Variants in PCDHGB1 observed in about 807,000 individuals in gnomAD.
PCDHGB1 encodes protocadherin gamma subfamily B, 1.
Under a neutral mutation model 56.6 loss-of-function variants are expected in PCDHGB1, and 34 were observed. The ratio of observed to expected loss-of-function variants is 0.60; its 90% CI spans 0.46 to 0.80. The LOEUF (loss-of-function observed/expected upper bound fraction) is 0.80. PCDHGB1 is among the 30% of genes least tolerant of loss of function. The pLI is 0.00. For missense variants in PCDHGB1, 1,278 were observed against 1,204.6 expected (o/e 1.06, Z -0.90); for synonymous variants, 561 against 505.9 (o/e 1.11, Z -1.46).
intron 1 of PCDHGB1, chr5:141,370,503 A>G (rs748568683): frequency 1.2e-6 from 2 of 1,613,814 alleles, no homozygotes; most frequent in Non-Finnish European, 1.7e-6. Flanking sequence ...CCGCTACGCT[A>G]TTCCCGAGGA....
At chr5:141,385,474 T>G (rs554098554) in intron 1 of PCDHGB1, 33 of 1,436,526 alleles carry the variant, frequency 2.3e-5, no homozygotes, top group Non-Finnish European at 2.7e-5. Context: ...GGTGACACTT[T>G]AATATAGAAC....
intron 1 of PCDHGB1, among the ~76,000 whole-genome samples, chr5:141,435,547 G>T (rs2097769325): frequency 6.6e-6 from 1 of 152,114 alleles, no homozygotes. Context: ...AACAAAATGT[G>T]TTTTGAGTGC....
chr5:141,505,590 A>G, intron 3 of PCDHGB1, 109 bp downstream of exon 3: 1 of 1,571,996 alleles, frequency 6.4e-7, no homozygotes, highest in East Asian at 2.3e-5. Context: ...TAGTTTCTCC[A>G]GATCTTTCGG....
chr5:141,360,300 G>T, intron 1 of PCDHGB1: 1 of 1,613,978 alleles, frequency 6.2e-7, no homozygotes, highest in South Asian at 1.1e-5. Context: ...AGGATCTGGG[G>T]CTCAGCGTCC....
intron 1 of PCDHGB1, among the ~76,000 whole-genome samples, chr5:141,472,862 T>C (rs770564770): frequency 1.3e-5 from 2 of 150,322 alleles, no homozygotes; most frequent in South Asian, 4.2e-4. Flanking sequence ...GGCACATGCC[T>C]GTATTCCCAG....
At chr5:141,404,107 T>C in intron 1 of PCDHGB1, 1 of 1,613,552 alleles carries the variant, frequency 6.2e-7, no homozygotes, top group Non-Finnish European at 8.5e-7. Flanking sequence ...TTGTCTGTTC[T>C]ATCCAGGAGA....
Position 141,351,228 on chromosome 5 carries a change from A to G in PCDHGB1, c.968A>G (p.His323Arg). The change falls in exon 1 of 4, where the codon CAC becomes CGC. Residue 323 changes from histidine to arginine, a missense_variant. His to Arg is a conservative substitution (Grantham distance 29). Transcript: ENST00000523390. ...LSVEAKDGGV[H>R]TAHCNVQIEI... is the part of the protein sequence containing the mutation. ...GTGGAAGCTAAGGATGGAGGAGTACACACAGCTCACTGTAATGTTCAAATA... is the reference window on the plus strand; with the variant it reads ...GTGGAAGCTAAGGATGGAGGAGTACGCACAGCTCACTGTAATGTTCAAATA... The G allele has an allele frequency of 6.2e-7, 1 of 1,614,086 alleles. No individual in the cohort carries two copies. Among genetic ancestry groups the G allele is most frequent in the Non-Finnish European group, 8.5e-7 (1 of 1,179,912 alleles).
chr5:141,466,147 G>A (rs2099117729), intron 1 of PCDHGB1, among the ~76,000 whole-genome samples: 1 of 151,722 alleles, frequency 6.6e-6, no homozygotes, highest in South Asian at 2.1e-4. Flanking sequence ...TGAAAACTCT[G>A]GTCTTAAACT....
chr5:141,371,424 G>GC, intron 1 of PCDHGB1: 1 of 1,613,946 alleles, frequency 6.2e-7, no homozygotes. Flanking sequence ...AAATGACAAT[G>GC]CCCCGGAGAT....
chr5:141,428,293 C>T, intron 1 of PCDHGB1: 1 of 716,436 alleles, frequency 1.4e-6, no homozygotes, highest in South Asian at 1.6e-5. Context: ...AGCAAAGCTG[C>T]AGATTTACCT....
intron 1 of PCDHGB1, chr5:141,364,463 G>C: frequency 6.2e-7 from 1 of 1,614,000 alleles, no homozygotes; most frequent in Admixed American, 1.7e-5. Context: ...AGGCTCCTTC[G>C]TCGGCAACAT....
At position 141,431,513 on chromosome 5, in the gene PCDHGB1, C is replaced by A. The variant is rs1468442248; in HGVS notation, c.2410-63294C>A. ...TCAGCCCGAGTACCGCGCGAGCGTT[C>A]CGGAGAATCTGGCCTTGGGCACGCA... is the stretch of plus-strand genomic sequence containing the variant. On this transcript the variant is annotated intron_variant, in intron 1 of 3. Transcript: ENST00000523390. The surrounding 1 kb of genome is among the most constrained non-coding windows in gnomAD (Gnocchi z 4.8). 1 of 1,614,022 alleles carries A rather than the reference C, an allele frequency of 6.2e-7. No individual in the cohort carries two copies. The highest frequency in any genetic ancestry group is 1.7e-5 in the Admixed American group (1 of 60,032).
chr5:141,368,738 T>C (rs1765827901), intron 1 of PCDHGB1, among the ~76,000 whole-genome samples: 1 of 152,208 alleles, frequency 6.6e-6, no homozygotes, highest in Non-Finnish European at 1.5e-5. Flanking sequence ...GTATATACCA[T>C]ATACTTTTAA....
Position 141,431,067 on chromosome 5 carries a change from A to G in PCDHGB1, c.2410-63740A>G. The G allele has an allele frequency of 1.2e-6, 2 of 1,614,164 alleles. No homozygotes were observed. Among genetic ancestry groups the G allele is most frequent in the Non-Finnish European group, 1.7e-6 (2 of 1,179,976 alleles). Reference sequence around the variant, plus strand: ...CTCTGTATGGGGGCCATCAAGTGTCAATTAAATCTAGACATTCTGATGGAG... The same window carrying G: ...CTCTGTATGGGGGCCATCAAGTGTCGATTAAATCTAGACATTCTGATGGAG... On this transcript the variant is annotated intron_variant, in intron 1 of 3. Transcript: ENST00000523390. This position sits in a 1 kb window ranked among gnomAD's most constrained non-coding sequence, Gnocchi z 4.8.
chr5:141,382,779 C>G (rs1561592016), intron 1 of PCDHGB1: 3 of 834,176 alleles, frequency 3.6e-6, no homozygotes, highest in Non-Finnish European at 5.6e-6. Flanking sequence ...GCACTAAACT[C>G]AAGCCTCTAT....
intron 1 of PCDHGB1, chr5:141,409,913 G>C (rs769370742): frequency 1.9e-6 from 3 of 1,613,334 alleles, no homozygotes; most frequent in East Asian, 2.2e-5. Flanking sequence ...GGGTCCTGAC[G>C]GCTCCGCGTT....
In PCDHGB1 at chr5:141,408,807, G is replaced by A. The variant is rs372007066; in HGVS notation, c.2409+56138G>A. On this transcript the variant is annotated intron_variant, in intron 1 of 3. Transcript: ENST00000523390. ...TTATCTCTGGAGAAACTCCTAGACCGGGAAGAACAGAGATCTCATAGCTTG... is the reference window on the plus strand; with the variant it reads ...TTATCTCTGGAGAAACTCCTAGACCAGGAAGAACAGAGATCTCATAGCTTG... 1.2e-5 allele frequency: 20 copies of A among 1,612,986 alleles called. No homozygotes were observed. Among genetic ancestry groups the A allele is most frequent in the Middle Eastern group, 1.6e-4 (1 of 6,084 alleles).
In PCDHGB1 at chr5:141,404,687, C is replaced by T. The variant is rs190249934; in HGVS notation, c.2409+52018C>T. 2,728 of 1,614,088 alleles carry T rather than the reference C, an allele frequency of 1.7e-3. 3 individuals carry two copies. Among genetic ancestry groups the T allele is most frequent in the Non-Finnish European group, 2.2e-3 (2,615 of 1,179,946 alleles). On this transcript the variant is annotated intron_variant, in intron 1 of 3. Coordinates refer to ENST00000523390, the MANE Select transcript of PCDHGB1 (RefSeq NM_018922.3). ...TGGTTCTACTGGTGTGGAGCTGGCA[C>T]CCCGCTCTGCAGAGCCTGGCTACCT...
intron 1 of PCDHGB1, among the ~76,000 whole-genome samples, chr5:141,456,101 G>A (rs1231843666): frequency 6.6e-6 from 1 of 151,970 alleles, no homozygotes; most frequent in African/African-American, 2.4e-5. Context: ...ATTTCACCGT[G>A]TTAGCCAGGA....
Sources: allele counts gnomAD v4.1 joint callset (sites outside exome capture counted in the v4.1 genomes callset), GRCh38; gene constraint gnomAD v4.1.1; non-coding constraint Gnocchi (gnomAD v3.1); transcripts MANE v1.5; gene names NCBI Gene and HGNC (gene_info 2026-07-23, HGNC 2026-07-21).